Variants in TMEM178A observed in about 807,000 individuals in gnomAD.
The protein encoded by TMEM178A is transmembrane protein 178.
Under a neutral mutation model 29.1 loss-of-function variants are expected in TMEM178A, and 12 were observed. The observed-to-expected ratio is 0.41, with a 90% CI of 0.26 to 0.67. TMEM178A has a LOEUF of 0.67. TMEM178A is among the 30% of genes least tolerant of loss of function. The pLI is 0.29. For missense variants in TMEM178A, 366 were observed against 419.1 expected, an observed-to-expected ratio of 0.87 and a Z score of 1.11; for synonymous variants, 210 against 187.2, an observed-to-expected ratio of 1.12 and a Z score of -0.99.
intron 3 of TMEM178A, 83 bp from the exon 4 acceptor site, chr2:39,716,927 A>AT: frequency 6.7e-7 from 1 of 1,491,806 alleles, no homozygotes; most frequent in African/African-American, 1.4e-5. Context: ...GGTTGATCTG[A>AT]TTTTCATAAA....
intron 1 of TMEM178A, among the ~76,000 whole-genome samples, chr2:39,682,192 C>G (rs1002046048): frequency 6.6e-6 from 1 of 152,182 alleles, no homozygotes; most frequent in Admixed American, 6.5e-5. Flanking sequence ...ATTTATCAAA[C>G]TGGATGAATA....
intron 1 of TMEM178A, among the ~76,000 whole-genome samples, chr2:39,680,203 T>C (rs1219883392): frequency 6.6e-6 from 1 of 152,218 alleles, no homozygotes; most frequent in Non-Finnish European, 1.5e-5. Flanking sequence ...TCGTGTAACC[T>C]GTTTAGTCTC....
intron 1 of TMEM178A, among the ~76,000 whole-genome samples, chr2:39,695,491 T>C (rs2148085879): frequency 6.6e-6 from 1 of 150,932 alleles, no homozygotes; most frequent in East Asian, 1.9e-4. Flanking sequence ...GAGTGAGCTA[T>C]GTGGTCTGCA....
intron 1 of TMEM178A, among the ~76,000 whole-genome samples, chr2:39,670,655 C>T (rs1670374817): frequency 6.6e-6 from 1 of 152,206 alleles, no homozygotes; most frequent in Admixed American, 6.5e-5. Flanking sequence ...CAGATGGAAG[C>T]AGACTCAGTT....
At chr2:39,699,234 C>T (rs1212939892) in intron 1 of TMEM178A, among the ~76,000 whole-genome samples, 1 of 151,694 alleles carries the variant, frequency 6.6e-6, no homozygotes, top group Admixed American at 6.6e-5. Flanking sequence ...CCTCTGTTGG[C>T]CAGGCTGGTC....
chr2:39,677,049 T>C (rs1232624480), intron 1 of TMEM178A, among the ~76,000 whole-genome samples: 1 of 152,200 alleles, frequency 6.6e-6, no homozygotes, highest in Non-Finnish European at 1.5e-5. Context: ...GGAATATTAA[T>C]GTACTTTAAG....
chr2:39,681,279 G>A (rs1572656741), intron 1 of TMEM178A, among the ~76,000 whole-genome samples: 1 of 152,244 alleles, frequency 6.6e-6, no homozygotes, highest in South Asian at 2.1e-4. Flanking sequence ...AGGTAGACAT[G>A]CCAAGAGATC....
chr2:39,698,856 C>T (rs962037420), intron 1 of TMEM178A, among the ~76,000 whole-genome samples: 3 of 151,864 alleles, frequency 2.0e-5, no homozygotes, highest in Admixed American at 6.6e-5. Flanking sequence ...GTTATAGATG[C>T]GTTCAGATTT....
intron 1 of TMEM178A, among the ~76,000 whole-genome samples, chr2:39,698,612 T>C (rs1326481057): frequency 6.6e-6 from 1 of 152,198 alleles, no homozygotes; most frequent in Non-Finnish European, 1.5e-5. Context: ...TAGTATGTAA[T>C]TTCCTTTTCT....
intron 1 of TMEM178A, among the ~76,000 whole-genome samples, chr2:39,688,869 A>G (rs577270128): frequency 6.6e-6 from 1 of 152,312 alleles, no homozygotes; most frequent in African/African-American, 2.4e-5. Context: ...CCTAGTTTCC[A>G]TTTATCTTGC....
At chr2:39,725,781 A>G in the TMEM178A span, among the ~76,000 whole-genome samples, 2 of 152,202 alleles carry the variant, frequency 1.3e-5, no homozygotes, top group Non-Finnish European at 2.9e-5. Flanking sequence ...TCTCAGGCCT[A>G]ACATACGATT....
At chr2:39,693,118 A>C (rs536273493) in intron 1 of TMEM178A, among the ~76,000 whole-genome samples, 3 of 152,304 alleles carry the variant, frequency 2.0e-5, no homozygotes, top group South Asian at 2.1e-4. Flanking sequence ...TGTTTCAAAA[A>C]ACAAAAACGA....
At chr2:39,723,984 C>G in the TMEM178A span, among the ~76,000 whole-genome samples, 1 of 152,184 alleles carries the variant, frequency 6.6e-6, no homozygotes, top group Non-Finnish European at 1.5e-5. Context: ...TATTTCTAAG[C>G]CAGAGCACAC....
intron 1 of TMEM178A, among the ~76,000 whole-genome samples, chr2:39,691,195 G>A (rs1362307761): frequency 6.6e-6 from 1 of 152,208 alleles, no homozygotes; most frequent in Non-Finnish European, 1.5e-5. Flanking sequence ...GAGGAGGGCA[G>A]TGAACATCCA....
At chr2:39,718,845 G>C (rs1672643914), downstream of TMEM178A, among the ~76,000 whole-genome samples, 1 of 152,172 alleles carries the variant, frequency 6.6e-6, no homozygotes, top group African/African-American at 2.4e-5. Context: ...CACAATGTAG[G>C]ATAAAGACAG....
At chr2:39,722,529 C>T (rs1049969669), downstream of TMEM178A, among the ~76,000 whole-genome samples, 1 of 152,080 alleles carries the variant, frequency 6.6e-6, no homozygotes, top group African/African-American at 2.4e-5. Flanking sequence ...GCATCTAAGA[C>T]CTGAAGATAG....
upstream of TMEM178A, chr2:39,665,765 G>T (rs1258076322): frequency 9.8e-6 from 4 of 409,222 alleles, no homozygotes; most frequent in Non-Finnish European, 1.6e-5. Flanking sequence ...CCCGGGGGCC[G>T]GGCCGGGGGC....
chr2:39,708,212 G>A (rs1672123657), intron 3 of TMEM178A, among the ~76,000 whole-genome samples: 1 of 151,970 alleles, frequency 6.6e-6, no homozygotes, highest in Non-Finnish European at 1.5e-5. Context: ...TAGCAGACTG[G>A]GGAAACCGCC....
the TMEM178A span, among the ~76,000 whole-genome samples, chr2:39,733,563 A>G: frequency 6.6e-6 from 1 of 152,168 alleles, no homozygotes; most frequent in Non-Finnish European, 1.5e-5. Flanking sequence ...CTAGTCTATC[A>G]AGGTGACATT....
Sources: allele counts gnomAD v4.1 joint callset (sites outside exome capture counted in the v4.1 genomes callset), GRCh38; gene constraint gnomAD v4.1.1; transcripts MANE v1.5; gene names NCBI Gene and HGNC (gene_info 2026-07-23, HGNC 2026-07-21).